Variants in MAPK9 observed in about 807,000 individuals in gnomAD.
MAPK9 encodes mitogen-activated protein kinase 9, also known as Jun kinase.
In MAPK9, 30 loss-of-function variants were observed where a neutral mutation model predicts 57.1. The ratio of observed to expected loss-of-function variants is 0.53; its 90% CI spans 0.39 to 0.71. The LOEUF is 0.71. Ranked by LOEUF, MAPK9 falls within the 30% of genes least tolerant of loss-of-function variation. The pLI is 0.00. For synonymous variants in MAPK9, 155 were observed against 177.0 expected (o/e 0.88, Z 0.99); for missense variants, 362 against 521.0 (o/e 0.69, Z 2.97).
At position 180,247,346 on chromosome 5, in the gene MAPK9, A is replaced by G; in HGVS notation, c.688+93T>C. 1 of 1,470,616 alleles carries G rather than the reference A, an allele frequency of 6.8e-7. No homozygotes were observed. 91.1% of individuals were successfully genotyped at this position (1,470,616 alleles called of 1,614,324 possible). ...AACACAGTCTGGAGTGGATTTTACG[A>G]CTTTGTCCTCGTGAGCGCTCGTGTA... On this transcript the variant is annotated intron_variant, in intron 7 of 11. Transcript: ENST00000452135. The surrounding 1 kb of genome is among the most constrained non-coding windows in gnomAD (Gnocchi z 4.5).
At chr5:180,248,879 T>C in intron 6 of MAPK9, 94 bp downstream of exon 6, 3 of 1,376,226 alleles carry the variant, frequency 2.2e-6, no homozygotes, top group African/African-American at 1.5e-5. Flanking sequence ...CCACAGTATA[T>C]ATCATATGGT....
chr5:180,261,608 A>T, intron 5 of MAPK9, 76 bp downstream of exon 5: 2 of 1,312,440 alleles, frequency 1.5e-6, no homozygotes, highest in Admixed American at 2.8e-5. Flanking sequence ...TTTTTTTTAA[A>T]TGTTATTTTG....
intron 3 of MAPK9, among the ~76,000 whole-genome samples, chr5:180,267,133 A>G (rs1423348660): frequency 3.3e-5 from 5 of 152,254 alleles, no homozygotes; most frequent in South Asian, 2.1e-4. Context: ...ACATGTATGC[A>G]TAAGAATGCT....
chr5:180,238,535 A>G lies in MAPK9; in HGVS notation c.1061-132T>C. The G allele has an allele frequency of 4.7e-6, 3 of 635,848 alleles. No individual in the cohort carries two copies. The South Asian group carries it at 5.5e-5, about 12-fold the overall frequency. The allele number at this position is 635,848 out of a possible 1,614,324, so 39.4% of individuals were successfully genotyped here. A position where few individuals can be genotyped will look rare whatever the true frequency, so the allele number is the denominator to read the frequency against. On this transcript the variant is annotated intron_variant, in intron 10 of 11. Transcript: ENST00000452135. ...TATTTTTAATTGTAAGACAGAGTCA[A>G]TTCAGTAATATAGTCTACCTGGACC... is the stretch of plus-strand genomic sequence containing the variant.
At chr5:180,278,663 C>A (rs1191667908) in intron 2 of MAPK9, among the ~76,000 whole-genome samples, 1 of 152,144 alleles carries the variant, frequency 6.6e-6, no homozygotes, top group Non-Finnish European at 1.5e-5. Context: ...CGCGCCACTG[C>A]ACTCCAGCCT....
intron 1 of MAPK9, among the ~76,000 whole-genome samples, chr5:180,289,396 C>T (rs552079810): frequency 2.6e-5 from 4 of 151,964 alleles, no homozygotes; most frequent in Non-Finnish European, 5.9e-5. Flanking sequence ...GTTTTTAACT[C>T]TGCAGGATCC....
In MAPK9 at chr5:180,262,144, A is replaced by G. The variant is rs149468696; in HGVS notation, c.312-322T>C. ...AGACCATGCTGTTACAGGCTCATCA[A>G]TCACAACACATGTACCCTCTGGTGG... On this transcript the variant is annotated intron_variant, in intron 4 of 11. Coordinates refer to ENST00000452135, the MANE Select transcript of MAPK9 (RefSeq NM_002752.5). Among the ~76,000 whole-genome samples, 249 of 152,230 alleles carry G rather than the reference A, an allele frequency of 1.6e-3. 1 individual carries two copies. The highest frequency in any genetic ancestry group is 5.8e-3 in the African/African-American group (240 of 41,542).
chr5:180,267,833 C>A lies in MAPK9; in HGVS notation c.252+1447G>T, dbSNP rs182902317. ...TCTCAAAAAAACAAAACAAAAAAAA[C>A]CAGATTTCACGTTTTATATTTTATT... On this transcript the variant is annotated intron_variant, in intron 3 of 11. Coordinates refer to ENST00000452135, the MANE Select transcript of MAPK9 (RefSeq NM_002752.5). Among the ~76,000 whole-genome samples the A allele has an allele frequency of 1.8e-3, 273 of 151,906 alleles. 1 individual carries two copies. The highest frequency in any genetic ancestry group is 5.8e-3 in the African/African-American group (241 of 41,442).
At chr5:180,273,485 C>T (rs1761543508) in intron 2 of MAPK9, among the ~76,000 whole-genome samples, 1 of 152,050 alleles carries the variant, frequency 6.6e-6, no homozygotes, top group African/African-American at 2.4e-5. Flanking sequence ...CCTTGGCCTC[C>T]CAAAGTGCTG....
At chr5:180,290,322 C>T (rs917671401) in intron 1 of MAPK9, among the ~76,000 whole-genome samples, 15 of 152,310 alleles carry the variant, frequency 9.8e-5, no homozygotes, top group Admixed American at 5.2e-4. Context: ...CCTCTCCCTG[C>T]CTAGCAAATT....
At chr5:180,281,151 G>A (rs188018103) in intron 1 of MAPK9, among the ~76,000 whole-genome samples, 256 of 152,382 alleles carry the variant, frequency 1.7e-3, no homozygotes, top group African/African-American at 5.9e-3. Flanking sequence ...GCATCAGTGT[G>A]CTGCATGTGC....
At chr5:180,240,962 G>A (rs1757591251) in intron 9 of MAPK9, 69 bp downstream of exon 9, 5 of 1,518,186 alleles carry the variant, frequency 3.3e-6, no homozygotes, top group East Asian at 2.4e-5. Context: ...CACTCTGGAC[G>A]GACAGACAAG....
chr5:180,238,287 T>G, intron 11 of MAPK9, 45 bp downstream of exon 11: 1 of 1,494,800 alleles, frequency 6.7e-7, no homozygotes, highest in South Asian at 1.2e-5. Context: ...AAAAGTTGAA[T>G]AGGGAAAGAA....
chr5:180,254,802 A>G (rs1759092988), intron 5 of MAPK9, among the ~76,000 whole-genome samples: 1 of 152,228 alleles, frequency 6.6e-6, no homozygotes, highest in African/African-American at 2.4e-5. Context: ...TGGGAGGCCG[A>G]GGCGGGCGGA....
At chr5:180,281,284 G>A (rs1213487010) in intron 1 of MAPK9, among the ~76,000 whole-genome samples, 5 of 152,206 alleles carry the variant, frequency 3.3e-5, no homozygotes, top group Non-Finnish European at 7.3e-5. Context: ...ACTCTGCTGT[G>A]ACTGACAGTC....
chr5:180,274,342 A>C (rs1281845402), intron 2 of MAPK9, among the ~76,000 whole-genome samples: 1 of 152,234 alleles, frequency 6.6e-6, no homozygotes, highest in East Asian at 1.9e-4. Flanking sequence ...AACAAAACGC[A>C]GATTATCCAG....
rs776486425 is a variant in MAPK9, at chr5:180,280,478, C to G, written c.84G>C (p.Gln28His). Residue 28 changes from glutamine to histidine, a missense_variant, in exon 2 of 12, where the codon CAG becomes CAC. Transcript: ENST00000452135. Reference sequence around the variant, plus strand: ...GGGCCCCAGAGCCAATTGGTTTCAGCTGCTGGTAACGTTTTAGGACAGTGA... The same window carrying G: ...GGGCCCCAGAGCCAATTGGTTTCAGGTGCTGGTAACGTTTTAGGACAGTGA... ...STFTVLKRYQ[Q>H]LKPIGSGAQG... 1 of 1,614,210 alleles carries G rather than the reference C, an allele frequency of 6.2e-7. No homozygotes were observed. Among genetic ancestry groups the G allele is most frequent in the East Asian group, 2.2e-5 (1 of 44,882 alleles).
chr5:180,279,674 T>C (rs1762135123), intron 2 of MAPK9: 1 of 360,092 alleles, frequency 2.8e-6, no homozygotes, highest in African/African-American at 2.1e-5. Context: ...TAATCCTGTT[T>C]TCATTGACCA....
chr5:180,238,548 G>A (rs1757371504), intron 10 of MAPK9, 145 bp from the exon 11 acceptor site: 6 of 530,316 alleles, frequency 1.1e-5, no homozygotes, highest in South Asian at 1.1e-4. Context: ...CAGTAATATA[G>A]TCTACCTGGA....
Sources: allele counts gnomAD v4.1 joint callset (sites outside exome capture counted in the v4.1 genomes callset), GRCh38; gene constraint gnomAD v4.1.1; non-coding constraint Gnocchi (gnomAD v3.1); transcripts MANE v1.5; gene names NCBI Gene and HGNC (gene_info 2026-07-23, HGNC 2026-07-21).